Variants in PREX1 observed in about 807,000 individuals in gnomAD.
PREX1 encodes the protein phosphatidylinositol-3,4,5-trisphosphate dependent Rac exchange factor 1, also known as phosphatidylinositol 3,4,5-trisphosphate-dependent Rac exchanger 1 protein.
In PREX1, 41 loss-of-function variants were observed where a neutral mutation model predicts 198.3. The observed-to-expected ratio is 0.21, with a 90% CI of 0.16 to 0.27. PREX1 has a LOEUF of 0.27. PREX1 is among the 10% of genes least tolerant of loss of function. The pLI is 1.00. For synonymous variants in PREX1, 843 were observed against 887.2 expected (o/e 0.95, Z 0.89); for missense variants, 1,620 against 2,200.7 (o/e 0.74, Z 5.28).
chr20:48,641,838 GAGA>G (rs2089413115), intron 29 of PREX1, among the ~76,000 whole-genome samples: 1 of 99,452 alleles, frequency 1.0e-5, no homozygotes, highest in Non-Finnish European at 1.9e-5. Context: ...GAGAGAGAGA[GAGA>G]GGAAGGAAGG....
Position 48,777,715 on chromosome 20 carries a change from C to T in PREX1, c.220-29835G>A, listed in dbSNP as rs539931222. The stretch of plus-strand genomic sequence containing the variant: ...GCAGCTGTACCTCTCTGAGACTCTG[C>T]ATCCACATCTGTAAAATGGGCATAA... On this transcript the variant is annotated intron_variant, in intron 1 of 39. Coordinates refer to ENST00000371941, the MANE Select transcript of PREX1 (RefSeq NM_020820.4). Among the ~76,000 whole-genome samples, 18 of 152,300 alleles carry T rather than the reference C, an allele frequency of 1.2e-4. No individual in the cohort carries two copies. The South Asian group carries it at 3.5e-3, about 30-fold the overall frequency.
chr20:48,682,905 G>A (rs974386773), intron 10 of PREX1, among the ~76,000 whole-genome samples: 1 of 152,268 alleles, frequency 6.6e-6, no homozygotes, highest in African/African-American at 2.4e-5. Context: ...TACAGGGCCA[G>A]AGGGGGGCAG....
At chr20:48,758,409 G>C (rs2090164316) in intron 1 of PREX1, among the ~76,000 whole-genome samples, 1 of 152,154 alleles carries the variant, frequency 6.6e-6, no homozygotes, top group Admixed American at 6.5e-5. Flanking sequence ...GTGTGCCCTG[G>C]AGTGGTTGAG....
chr20:48,879,303 G>A, the PREX1 span, among the ~76,000 whole-genome samples: 5 of 152,062 alleles, frequency 3.3e-5, no homozygotes, highest in Non-Finnish European at 2.9e-5. Flanking sequence ...TCCCTTTTAC[G>A]TTCTTTACCT....
intron 4 of PREX1, among the ~76,000 whole-genome samples, chr20:48,733,398 G>T (rs1305379666): frequency 1.3e-5 from 2 of 152,296 alleles, no homozygotes; most frequent in East Asian, 3.9e-4. Flanking sequence ...ACAGCAATTG[G>T]TTCAGGGATA....
At chr20:48,681,357 G>A (rs751855609) in intron 10 of PREX1, 22 bp from the exon 11 acceptor site, 3 of 1,610,278 alleles carry the variant, frequency 1.9e-6, no homozygotes, top group East Asian at 2.2e-5. Context: ...ACAATATGTG[G>A]TTGAGAGGAT....
rs1485337866 is a variant in PREX1 at position 48,746,505 on chromosome 20, G to T, written c.291+1304C>A. On this transcript the variant is annotated intron_variant, in intron 2 of 39. Transcript: ENST00000371941. ...ACATCATGGGCAAATCCCAGAGGCAGGCAGGGACACGAAAGAGCTCACTTT... is the reference window on the plus strand; with the variant it reads ...ACATCATGGGCAAATCCCAGAGGCATGCAGGGACACGAAAGAGCTCACTTT... 2.0e-5 allele frequency among the ~76,000 whole-genome samples: 3 copies of T among 152,286 alleles called. No homozygotes were observed. The East Asian group carries it at 5.8e-4, about 29-fold the overall frequency.
chr20:48,796,828 A>T (rs887671096), intron 1 of PREX1, among the ~76,000 whole-genome samples: 2 of 151,402 alleles, frequency 1.3e-5, no homozygotes, highest in Admixed American at 6.6e-5. Context: ...GTAACATTTT[A>T]AATTAATTTA....
intron 14 of PREX1, among the ~76,000 whole-genome samples, chr20:48,671,148 C>T (rs1444870477): frequency 4.6e-5 from 7 of 152,192 alleles, no homozygotes; most frequent in South Asian, 4.1e-4. Context: ...GTTCTCTTCC[C>T]CAGGGGCTGG....
chr20:48,635,587 C>T (rs1289068000), intron 32 of PREX1, among the ~76,000 whole-genome samples: 1 of 152,232 alleles, frequency 6.6e-6, no homozygotes, highest in Non-Finnish European at 1.5e-5. Context: ...CTCTTCCTCA[C>T]ACTGTCTGCC....
chr20:48,652,701 C>A lies in PREX1; in HGVS notation c.2352G>T (p.Leu784=), dbSNP rs1293562013. 1.2e-6 allele frequency: 2 copies of A among 1,611,452 alleles called. No individual in the cohort carries two copies. Among genetic ancestry groups the A allele is most frequent in the Admixed American group, 1.7e-5 (1 of 59,762 alleles). ...FRSRREEALG[L]YQWIYHTHED... ...CATGGGTGTGGTAGATCCACTGGTA[C>A]AGGCCCTGCCAGAAGCCAGAGTAAG... Residue 784 remains leucine, a synonymous_variant, in exon 21 of 40, where the codon CTG becomes CTT. Transcript: ENST00000371941.
chr20:48,862,807 A>ATTTGTG, the PREX1 span, among the ~76,000 whole-genome samples: 1 of 126,710 alleles, frequency 7.9e-6, no homozygotes, highest in Non-Finnish European at 1.6e-5. Context: ...ATATATATAT[A>ATTTGTG]TATATACTAA....
At chr20:48,797,098 T>A (rs1290649888) in intron 1 of PREX1, among the ~76,000 whole-genome samples, 1 of 152,086 alleles carries the variant, frequency 6.6e-6, no homozygotes, top group Admixed American at 6.6e-5. Context: ...ATTAAAATTT[T>A]AAAATTTTAA....
intron 15 of PREX1, among the ~76,000 whole-genome samples, chr20:48,664,928 GACTCCA>G (rs2089625712): frequency 7.2e-6 from 1 of 138,326 alleles, no homozygotes. Context: ...TTCTAATCCC[GACTCCA>G]GACGGCCTGA....
intron 3 of PREX1, among the ~76,000 whole-genome samples, chr20:48,744,034 G>GAT (rs1491228399): frequency 2.4e-5 from 3 of 124,292 alleles, no homozygotes; most frequent in South Asian, 3.2e-4. Flanking sequence ...TGATGATGAT[G>GAT]AGTTAACAGT....
At chr20:48,716,265 G>A (rs2089962007) in intron 5 of PREX1, among the ~76,000 whole-genome samples, 1 of 152,214 alleles carries the variant, frequency 6.6e-6, no homozygotes, top group African/African-American at 2.4e-5. Context: ...TTGGCGCAGA[G>A]AAGCCTGGGC....
Position 48,627,994 on chromosome 20 carries a change from G to A in PREX1, c.4767-31C>T, listed in dbSNP as rs773002525. On this transcript the variant is annotated intron_variant, in intron 37 of 39. Coordinates refer to ENST00000371941, the MANE Select transcript of PREX1 (RefSeq NM_020820.4). ...GCAGGGGAGGGAGGACAGCGGGTTG[G>A]CGGTGGGGGGACAGGGGTCGGGGGA... 12 of 1,369,624 alleles carry A rather than the reference G, an allele frequency of 8.8e-6. No homozygotes were observed. The Admixed American group carries it at 2.2e-4, about 25-fold the overall frequency. The allele number at this position is 1,369,624 out of a possible 1,614,324, so 84.8% of individuals were successfully genotyped here. A position where few individuals can be genotyped will look rare whatever the true frequency, so the allele number is the denominator to read the frequency against.
At chr20:48,864,236 A>C in the PREX1 span, among the ~76,000 whole-genome samples, 9 of 152,214 alleles carry the variant, frequency 5.9e-5, no homozygotes, top group Admixed American at 5.2e-4. Context: ...CTCCTTGTTC[A>C]TTCATTCATG....
intron 1 of PREX1, among the ~76,000 whole-genome samples, chr20:48,770,098 T>TAAAAAGAAC (rs1010329660): frequency 1.3e-5 from 2 of 152,210 alleles, no homozygotes; most frequent in African/African-American, 4.8e-5. Flanking sequence ...CTTTACCAAT[T>TAAAAAGAAC]AAAAAGAACA....
Sources: allele counts gnomAD v4.1 joint callset (sites outside exome capture counted in the v4.1 genomes callset), GRCh38; gene constraint gnomAD v4.1.1; transcripts MANE v1.5; gene names NCBI Gene and HGNC (gene_info 2026-07-23, HGNC 2026-07-21).